The following EPC2 variants were observed in gnomAD, a reference collection of about 807,000 sequenced individuals.
EPC2 encodes the protein enhancer of polycomb 2.
EPC2 carries 14 observed loss-of-function variants against 92.1 expected under a neutral mutation model. The observed-to-expected ratio is 0.15, with a 90% CI of 0.10 to 0.24. The LOEUF (loss-of-function observed/expected upper bound fraction) is 0.24, where lower values mean the gene tolerates loss of function less well. EPC2 is among the 10% of genes least tolerant of loss of function. The probability of loss-of-function intolerance (pLI) is 1.00; values close to 1 mark genes in which losing one functional copy is unlikely to be tolerated. For missense variants in EPC2, 755 were observed against 971.5 expected (o/e 0.78, Z 2.96); for synonymous variants, 340 against 334.7 (o/e 1.02, Z -0.17).
intron 11 of EPC2, among the ~76,000 whole-genome samples, chr2:148,783,171 T>G (rs1334152294): frequency 6.6e-6 from 1 of 152,192 alleles, no homozygotes; most frequent in African/African-American, 2.4e-5. Flanking sequence ...TTTGTTTGCT[T>G]TTTCTGAGTC....
intron 2 of EPC2, among the ~76,000 whole-genome samples, chr2:148,698,497 G>T (rs1025713063): frequency 1.3e-5 from 2 of 151,870 alleles, no homozygotes; most frequent in African/African-American, 4.8e-5. Context: ...TTAGCCCGGT[G>T]TGGTGGTGCA....
intron 1 of EPC2, among the ~76,000 whole-genome samples, chr2:148,682,832 C>T (rs1681430491): frequency 6.6e-6 from 1 of 152,108 alleles, no homozygotes; most frequent in South Asian, 2.1e-4. Flanking sequence ...AAGGGTATTG[C>T]AAGACTCCTC....
intron 3 of EPC2, among the ~76,000 whole-genome samples, chr2:148,752,555 A>G (rs777243186): frequency 3.9e-5 from 6 of 152,138 alleles, no homozygotes; most frequent in Non-Finnish European, 8.8e-5. Context: ...AATGTAGTTA[A>G]GCTACCTCTA....
chr2:148,786,454 CTG>C lies in EPC2; in HGVS notation c.*80_*81del, dbSNP rs1683868946. On this transcript the variant is annotated 3_prime_UTR_variant, in exon 14 of 14. Transcript: ENST00000258484. Reference sequence around the variant, plus strand: ...CCAGCTGAATGCAAAAGGCAACACTCTGTGGATCACAGAGTGTAACAATGGAC... The same window carrying C: ...CCAGCTGAATGCAAAAGGCAACACTCTGGATCACAGAGTGTAACAATGGAC... 2.6e-6 allele frequency: 3 copies of C among 1,147,748 alleles called. No homozygotes were observed. In the South Asian group the frequency reaches 4.0e-5, roughly 15 times the overall value. The allele number at this position is 1,147,748 out of a possible 1,614,324, so 71.1% of individuals were successfully genotyped here.
chr2:148,754,650 C>A (rs1459654274), intron 4 of EPC2, among the ~76,000 whole-genome samples: 1 of 152,116 alleles, frequency 6.6e-6, no homozygotes, highest in Non-Finnish European at 1.5e-5. Flanking sequence ...GCTACAAGGT[C>A]GTGGGAAGTA....
At chr2:148,765,192 A>T in intron 7 of EPC2, 46 bp downstream of exon 7, 1 of 1,322,534 alleles carries the variant, frequency 7.6e-7, no homozygotes, top group South Asian at 1.7e-5. Context: ...TTAGTATTTT[A>T]TATTGCTATA....
rs1030045625 is a variant in EPC2 at position 148,660,705 on chromosome 2, G to A, written c.153+15535G>A. On this transcript the variant is annotated intron_variant, in intron 1 of 13. Coordinates refer to ENST00000258484, the MANE Select transcript of EPC2 (RefSeq NM_015630.4). ...TGTAGTTTGTTCTAGTATACACTGCGTTGTAGATCAGTATATTCATTCAAG... is the reference window on the plus strand; with the variant it reads ...TGTAGTTTGTTCTAGTATACACTGCATTGTAGATCAGTATATTCATTCAAG... Among the ~76,000 whole-genome samples, 134 of 151,684 alleles carry A rather than the reference G, an allele frequency of 8.8e-4. 1 individual carries two copies. The highest frequency in any genetic ancestry group is 3.0e-3 in the African/African-American group (126 of 41,400).
At chr2:148,776,923 C>T (rs1397934064) in intron 10 of EPC2, among the ~76,000 whole-genome samples, 2 of 140,982 alleles carry the variant, frequency 1.4e-5, no homozygotes, top group South Asian at 2.3e-4. Flanking sequence ...TGCAATGGCA[C>T]GATTCCGGCT....
At chr2:148,656,999 T>G (rs1334246357) in intron 1 of EPC2, among the ~76,000 whole-genome samples, 1 of 151,236 alleles carries the variant, frequency 6.6e-6, no homozygotes, top group Non-Finnish European at 1.5e-5. Flanking sequence ...ATGCCATGAG[T>G]TTTTTTTTAG....
chr2:148,708,179 G>A (rs1243261271), intron 2 of EPC2, among the ~76,000 whole-genome samples: 6 of 151,994 alleles, frequency 3.9e-5, no homozygotes, highest in Non-Finnish European at 5.9e-5. Flanking sequence ...CCTGCCCTAC[G>A]GAAGTACAGA....
chr2:148,751,273 A>C (rs977661771), intron 3 of EPC2, among the ~76,000 whole-genome samples: 2 of 152,140 alleles, frequency 1.3e-5, no homozygotes, highest in African/African-American at 4.8e-5. Flanking sequence ...TATTTATTGA[A>C]ATTACAGATT....
chr2:148,736,836 A>G (rs34227409), intron 2 of EPC2, among the ~76,000 whole-genome samples: 22,797 of 151,956 alleles, frequency 0.15, 2,512 homozygotes, highest in East Asian at 0.46. Context: ...ACGATGGCTC[A>G]TGCCTGTAGT....
chr2:148,682,637 G>C (rs1296127078), intron 1 of EPC2, among the ~76,000 whole-genome samples: 1 of 151,928 alleles, frequency 6.6e-6, no homozygotes, highest in African/African-American at 2.4e-5. Context: ...TGTTACTGTT[G>C]GTTTCTACAA....
intron 10 of EPC2, among the ~76,000 whole-genome samples, chr2:148,777,535 T>TAATACAA (rs372474566): frequency 0.18 from 27,907 of 152,072 alleles, 3,280 homozygotes; most frequent in East Asian, 0.49. Flanking sequence ...AAATCTTTGT[T>TAATACAA]AGTTAACAAA....
At chr2:148,730,246 G>A (rs1239707334) in intron 2 of EPC2, among the ~76,000 whole-genome samples, 3 of 152,186 alleles carry the variant, frequency 2.0e-5, no homozygotes. Flanking sequence ...TTAAGCTAAA[G>A]TTGGAAGCTA....
intron 2 of EPC2, among the ~76,000 whole-genome samples, chr2:148,732,325 T>G (rs1025334956): frequency 7.2e-5 from 11 of 152,070 alleles, no homozygotes; most frequent in African/African-American, 2.4e-4. Context: ...AGTGCTTTAT[T>G]GCAGTCTGTT....
intron 2 of EPC2, among the ~76,000 whole-genome samples, chr2:148,713,861 G>A (rs1682204951): frequency 6.6e-6 from 1 of 152,190 alleles, no homozygotes; most frequent in Non-Finnish European, 1.5e-5. Context: ...TTCCCACAAT[G>A]AATGAAATCA....
At chr2:148,728,305 G>T (rs200859441) in intron 2 of EPC2, among the ~76,000 whole-genome samples, 3 of 132,550 alleles carry the variant, frequency 2.3e-5, no homozygotes, top group Admixed American at 1.4e-4. Context: ...TGCTTTTTTT[G>T]TTTGTTTGTT....
intron 3 of EPC2, among the ~76,000 whole-genome samples, chr2:148,751,552 G>A (rs1207508455): frequency 6.6e-6 from 1 of 152,056 alleles, no homozygotes; most frequent in Non-Finnish European, 1.5e-5. Flanking sequence ...GGGGGTCTCA[G>A]TATGCTGTCC....
Sources: gnomAD v4.1 joint callset for allele counts (sites outside exome capture counted in the v4.1 genomes callset) on GRCh38, gnomAD v4.1.1 for gene constraint, MANE v1.5 for transcripts, NCBI Gene and HGNC (gene_info 2026-07-23, HGNC 2026-07-21) for gene names.